Variants in SENP2 observed in about 807,000 individuals in gnomAD.
The protein encoded by SENP2 is sentrin-specific protease 2.
In SENP2, 16 loss-of-function variants were observed where a neutral mutation model predicts 86.3. The observed-to-expected ratio is 0.19, with a 90% CI of 0.13 to 0.28. The LOEUF (loss-of-function observed/expected upper bound fraction) is 0.28, where lower values mean the gene tolerates loss of function less well. Ranked by LOEUF, SENP2 falls within the 10% of genes least tolerant of loss-of-function variation. The pLI is 1.00. For synonymous variants in SENP2, 222 were observed against 238.7 expected, an observed-to-expected ratio of 0.93 and a Z score of 0.64; for missense variants, 552 against 703.0, an observed-to-expected ratio of 0.79 and a Z score of 2.43.
intron 7 of SENP2, among the ~76,000 whole-genome samples, chr3:185,611,320 C>T (rs1475720913): frequency 6.6e-6 from 1 of 152,194 alleles, no homozygotes; most frequent in Non-Finnish European, 1.5e-5. Context: ...TTTCAGGATC[C>T]ATTTAAATAC....
At chr3:185,599,794 G>A (rs979029658) in intron 4 of SENP2, among the ~76,000 whole-genome samples, 1 of 150,432 alleles carries the variant, frequency 6.6e-6, no homozygotes, top group African/African-American at 2.5e-5. Flanking sequence ...CTAAAAACTT[G>A]ATATTTCTTT....
chr3:185,607,278 G>GAAGAAGAA, intron 6 of SENP2, among the ~76,000 whole-genome samples: 1 of 147,508 alleles, frequency 6.8e-6, no homozygotes, highest in Admixed American at 6.8e-5. Context: ...TTATTATAAG[G>GAAGAAGAA]AAGAAGAAAG....
intron 2 of SENP2, among the ~76,000 whole-genome samples, chr3:185,593,819 C>T (rs1276612459): frequency 1.3e-5 from 2 of 151,468 alleles, no homozygotes; most frequent in Non-Finnish European, 2.9e-5. Flanking sequence ...ACCTCCACCT[C>T]CCAGGTTCAA....
At chr3:185,609,223 T>C in intron 6 of SENP2, 24 bp from the exon 7 acceptor site, 1 of 1,533,810 alleles carries the variant, frequency 6.5e-7, no homozygotes, top group Non-Finnish European at 9.0e-7. Context: ...CTGGTACTTA[T>C]CTAACATGCT....
intron 12 of SENP2, among the ~76,000 whole-genome samples, chr3:185,618,815 C>T (rs1275948311): frequency 6.6e-6 from 1 of 152,058 alleles, no homozygotes; most frequent in Non-Finnish European, 1.5e-5. Context: ...GGAGGCAGAG[C>T]TTGCAGTGAG....
chr3:185,605,300 G>A (rs1397898639), intron 5 of SENP2, among the ~76,000 whole-genome samples: 1 of 151,824 alleles, frequency 6.6e-6, no homozygotes, highest in Non-Finnish European at 1.5e-5. Context: ...GAACCTGGGA[G>A]GTGGAGGTTG....
chr3:185,617,978 CTTG>C (rs1711685547), intron 12 of SENP2, among the ~76,000 whole-genome samples: 2 of 152,216 alleles, frequency 1.3e-5, no homozygotes, highest in South Asian at 4.1e-4. Flanking sequence ...GAGTTTTGCT[CTTG>C]TTGTCCAGGC....
chr3:185,613,195 C>G (rs1722750665), intron 9 of SENP2, 150 bp from the exon 10 acceptor site: 3 of 574,064 alleles, frequency 5.2e-6, no homozygotes, highest in Admixed American at 3.1e-5. Flanking sequence ...TGTTCCTTTT[C>G]AGAAAAGTTC....
intron 11 of SENP2, among the ~76,000 whole-genome samples, chr3:185,617,245 T>TG (rs2087920323): frequency 6.6e-6 from 1 of 152,122 alleles, no homozygotes; most frequent in South Asian, 2.1e-4. Flanking sequence ...AGGCAGGTAT[T>TG]GCTTGAGCCC....
chr3:185,621,837 A>G lies in SENP2; in HGVS notation c.1458A>G (p.Leu486=). 1 of 1,603,884 alleles carries G rather than the reference A, an allele frequency of 6.2e-7. No homozygotes were observed. The highest frequency in any genetic ancestry group is 8.5e-7 in the Non-Finnish European group (1 of 1,171,394). The change falls in exon 14 of 17, where the codon CTA becomes CTG. Residue 486 remains leucine, a synonymous_variant. Transcript: ENST00000296257. The part of the protein sequence containing the change: ...KVHWSLVVID[L]RKKCLKYLDS... ...TTTTTCCATTATAGGTGATTGACCT[A>G]AGAAAAAAGTGTCTTAAATATCTGG...
chr3:185,597,883 A>T (rs1722227237), intron 2 of SENP2, among the ~76,000 whole-genome samples: 1 of 151,560 alleles, frequency 6.6e-6, no homozygotes. Context: ...CCAACTCCTG[A>T]CCTCAGGTGA....
chr3:185,613,371 C>T lies in SENP2; in HGVS notation c.896C>T (p.Thr299Ile), dbSNP rs753383564. ...KRCSKGKITD[T>I]ETMVGIRFEN... ...TGTTCAAAGGGGAAAATTACTGATA[C>T]AGAGACGATGGTCGGAATCAGATTT... The change falls in exon 10 of 17, where the codon ACA becomes ATA. Residue 299 changes from threonine (T) to isoleucine (I), a missense_variant. Thr to Ile is a moderately conservative substitution (Grantham distance 89). This residue lies in a region of SENP2 where 383 missense variants were observed against 427.3 expected (regional missense o/e 0.90). Transcript: ENST00000296257. The T allele has an allele frequency of 2.1e-5, 34 of 1,596,292 alleles. 2 individuals carry two copies. The highest frequency in any genetic ancestry group is 4.5e-5 in the East Asian group (2 of 44,752).
chr3:185,609,140 T>G, intron 6 of SENP2, 107 bp from the exon 7 acceptor site: 1 of 683,636 alleles, frequency 1.5e-6, no homozygotes, highest in African/African-American at 1.8e-5. Context: ...CAAAGAAATA[T>G]TAAAAACATA....
rs766431973 is a variant in SENP2 at position 185,586,396 on chromosome 3, C to A, written c.-18C>A. 2 of 1,613,358 alleles carry A rather than the reference C, an allele frequency of 1.2e-6. No homozygotes were observed. Among genetic ancestry groups the A allele is most frequent in the Non-Finnish European group, 1.7e-6 (2 of 1,179,840 alleles). On this transcript the variant is annotated 5_prime_UTR_variant, in exon 1 of 17. The change creates a new upstream start codon in the 5' untranslated region. Coordinates refer to ENST00000296257, the MANE Select transcript of SENP2 (RefSeq NM_021627.3). This position sits in a 1 kb window ranked among gnomAD's most constrained non-coding sequence, Gnocchi z 4.3. ...GCGTCTCGGGGTGTGTCGGCCGCCG[C>A]TGCTGCTTGGGCCTGGTATGTACAG...
At chr3:185,598,261 C>A in intron 2 of SENP2, 151 bp from the exon 3 acceptor site, 1 of 782,668 alleles carries the variant, frequency 1.3e-6, no homozygotes, top group South Asian at 1.7e-5. Flanking sequence ...CCACCTCAGC[C>A]TCCCAAAGTG....
At chr3:185,626,475 C>T in intron 16 of SENP2, 82 bp downstream of exon 16, 1 of 933,896 alleles carries the variant, frequency 1.1e-6, no homozygotes, top group Non-Finnish European at 1.7e-6. Context: ...ACATTCAGCT[C>T]TCAATAGTAG....
chr3:185,617,695 T>C lies in SENP2; in HGVS notation c.1242+84T>C. The C allele has an allele frequency of 2.6e-6, 3 of 1,166,884 alleles. No homozygotes were observed. In the South Asian group the frequency reaches 5.4e-5, roughly 21 times the overall value. 72.3% of individuals were successfully genotyped at this position (1,166,884 alleles called of 1,614,324 possible). A position where few individuals can be genotyped will look rare whatever the true frequency, so the allele number is the denominator to read the frequency against. On this transcript the variant is annotated intron_variant, in intron 12 of 16. Coordinates refer to ENST00000296257, the MANE Select transcript of SENP2 (RefSeq NM_021627.3). The stretch of plus-strand genomic sequence containing the variant: ...AATCAAAGTGACTCCTACCCAGTTA[T>C]AATGGGTTGGTAATGCAACTCTTAG...
rs984654768 is a variant in SENP2, at chr3:185,604,234, G to T, written c.450-2096G>T. Reference sequence around the variant, plus strand: ...ATGTTGTTTAATTTCCAAATATTTGGGACTTTGCAGATATCTGTTATTGAT... The same window carrying T: ...ATGTTGTTTAATTTCCAAATATTTGTGACTTTGCAGATATCTGTTATTGAT... On this transcript the variant is annotated intron_variant, in intron 5 of 16. Coordinates refer to ENST00000296257, the MANE Select transcript of SENP2 (RefSeq NM_021627.3). Among the ~76,000 whole-genome samples the T allele has an allele frequency of 2.0e-5, 3 of 152,066 alleles. No homozygotes were observed. The South Asian group carries it at 6.2e-4, about 31-fold the overall frequency.
intron 2 of SENP2, among the ~76,000 whole-genome samples, chr3:185,590,894 AAGTC>A (rs1438076333): frequency 7.1e-6 from 1 of 140,998 alleles, no homozygotes; most frequent in Non-Finnish European, 1.5e-5. Context: ...AAAAAAAAGA[AAGTC>A]TCCTTTTTTT....
Sources: gnomAD v4.1 joint callset for allele counts (sites outside exome capture counted in the v4.1 genomes callset) on GRCh38, gnomAD v4.1.1 for gene constraint, gnomAD v4.1.1 regional missense constraint, Gnocchi (gnomAD v3.1) non-coding constraint, MANE v1.5 for transcripts, NCBI Gene and HGNC (gene_info 2026-07-23, HGNC 2026-07-21) for gene names.